Variants in APBB2 observed in about 807,000 individuals in gnomAD.
APBB2 encodes amyloid beta precursor protein binding family B member 2, also known as Fe65-like 1.
In APBB2, 38 loss-of-function variants were observed where a neutral mutation model predicts 82.5. The ratio of observed to expected loss-of-function variants is 0.46; its 90% confidence interval spans 0.36 to 0.60. The LOEUF (loss-of-function observed/expected upper bound fraction) is 0.60. Among genes scored for constraint, APBB2 ranks in the 20% least tolerant of loss-of-function variants. APBB2 has a pLI of 0.00. For missense variants in APBB2, 772 were observed against 972.3 expected (o/e 0.79, Z 2.74); for synonymous variants, 341 against 368.2 (o/e 0.93, Z 0.85).
chr4:41,158,653 G>C (rs1764073309), intron 1 of APBB2, among the ~76,000 whole-genome samples: 1 of 152,228 alleles, frequency 6.6e-6, no homozygotes, highest in Non-Finnish European at 1.5e-5. Flanking sequence ...AGGGTGTTGA[G>C]GGGTATCACT....
intron 6 of APBB2, among the ~76,000 whole-genome samples, chr4:40,995,802 T>TG (rs949063624): frequency 6.6e-6 from 1 of 151,982 alleles, no homozygotes; most frequent in Non-Finnish European, 1.5e-5. Flanking sequence ...CCCAAAGTAC[T>TG]GGGGATTACA....
At chr4:40,823,896 C>G in intron 15 of APBB2, 137 bp from the exon 16 acceptor site, 1 of 619,044 alleles carries the variant, frequency 1.6e-6, no homozygotes, top group South Asian at 1.8e-5. Context: ...CATGTTTGCT[C>G]AACAGGAATG....
At chr4:41,099,736 A>G (rs563542426) in intron 3 of APBB2, among the ~76,000 whole-genome samples, 20 of 152,324 alleles carry the variant, frequency 1.3e-4, no homozygotes, top group Middle Eastern at 3.4e-3. Context: ...TTATACTGCC[A>G]GAAATAGAGT....
chr4:40,992,699 G>C (rs1226950192), intron 6 of APBB2, among the ~76,000 whole-genome samples: 1 of 152,092 alleles, frequency 6.6e-6, no homozygotes, highest in Non-Finnish European at 1.5e-5. Flanking sequence ...TGAAGCCAGC[G>C]AGCAGGAGTA....
chr4:40,918,163 C>CT (rs1780303894), intron 10 of APBB2, among the ~76,000 whole-genome samples: 1 of 152,218 alleles, frequency 6.6e-6, no homozygotes, highest in South Asian at 2.1e-4. Flanking sequence ...CCAAACCACT[C>CT]TATCATAATT....
intron 2 of APBB2, among the ~76,000 whole-genome samples, chr4:41,121,919 A>G (rs1051879348): frequency 1.7e-4 from 26 of 150,830 alleles, no homozygotes; most frequent in Admixed American, 1.5e-3. Flanking sequence ...GTATGTGTGT[A>G]TGTGTGTGTG....
chr4:41,038,946 G>T (rs57898176), intron 4 of APBB2, among the ~76,000 whole-genome samples: 1 of 151,276 alleles, frequency 6.6e-6, no homozygotes, highest in African/African-American at 2.4e-5. Flanking sequence ...ACTGAAAGAG[G>T]TATGTGTTGT....
chr4:40,979,486 CA>C (rs1280679368), intron 6 of APBB2, among the ~76,000 whole-genome samples: 2 of 152,066 alleles, frequency 1.3e-5, no homozygotes, highest in Non-Finnish European at 2.9e-5. Context: ...AAGGATTTTA[CA>C]TATTTAATTA....
At position 41,087,584 on chromosome 4, in the gene APBB2, A is replaced by C. The variant is rs144656853; in HGVS notation, c.-149+13055T>G. On this transcript the variant is annotated intron_variant, in intron 3 of 17. Transcript: ENST00000508593. ...GCTGGGATTACAAGCATGCATCACC[A>C]TGACTGGCTAATTTTTTTTTTTTTT... 2.2e-4 allele frequency among the ~76,000 whole-genome samples: 33 copies of C among 151,364 alleles called. No homozygotes were observed. The East Asian group carries it at 6.4e-3, about 29-fold the overall frequency.
intron 2 of APBB2, among the ~76,000 whole-genome samples, chr4:41,117,225 C>A (rs546451580): frequency 6.6e-6 from 1 of 151,788 alleles, no homozygotes; most frequent in East Asian, 1.9e-4. Context: ...TGGAAACTCT[C>A]ATATGTGTTC....
chr4:41,016,615 C>T (rs1810025480), intron 5 of APBB2, among the ~76,000 whole-genome samples: 1 of 151,978 alleles, frequency 6.6e-6, no homozygotes, highest in Non-Finnish European at 1.5e-5. Context: ...CGCCCCATTG[C>T]ACTCCAGCCT....
intron 1 of APBB2, among the ~76,000 whole-genome samples, chr4:41,184,291 C>G (rs1351199271): frequency 6.6e-6 from 1 of 152,130 alleles, no homozygotes; most frequent in African/African-American, 2.4e-5. Flanking sequence ...GGTAGAAGAC[C>G]CCTGGGTTAA....
At chr4:40,866,002 T>C (rs1316264052) in intron 12 of APBB2, among the ~76,000 whole-genome samples, 1 of 152,238 alleles carries the variant, frequency 6.6e-6, no homozygotes, top group Non-Finnish European at 1.5e-5. Context: ...CTTACTTTGC[T>C]GTTGCGAATG....
intron 12 of APBB2, chr4:40,857,052 G>A: frequency 1.0e-6 from 1 of 985,554 alleles, no homozygotes; most frequent in Non-Finnish European, 1.2e-6. Context: ...TTCCGAAGTC[G>A]GGCGGGGATG....
chr4:40,907,345 TTACATATATATATATA>T (rs1336589143), intron 10 of APBB2, among the ~76,000 whole-genome samples: 3 of 104,978 alleles, frequency 2.9e-5, no homozygotes, highest in African/African-American at 1.2e-4. Flanking sequence ...ATTTAATATA[TTACATATATATATATA>T]TATATATATA....
intron 2 of APBB2, among the ~76,000 whole-genome samples, chr4:41,137,081 G>A (rs1339109832): frequency 1.3e-5 from 2 of 152,076 alleles, no homozygotes; most frequent in African/African-American, 2.4e-5. Flanking sequence ...AATACAGCTA[G>A]CATTTTATAC....
chr4:41,041,813 A>C (rs891060938), intron 4 of APBB2, among the ~76,000 whole-genome samples: 1 of 152,164 alleles, frequency 6.6e-6, no homozygotes. Context: ...AAAAAAGCCT[A>C]TTTTCTGAAA....
At chr4:41,018,350 G>A (rs747244796) in intron 5 of APBB2, among the ~76,000 whole-genome samples, 1 of 152,218 alleles carries the variant, frequency 6.6e-6, no homozygotes, top group South Asian at 2.1e-4. Flanking sequence ...ATCACAGAGG[G>A]TGACGGGTGG....
intron 2 of APBB2, among the ~76,000 whole-genome samples, chr4:41,112,943 C>A (rs1749724135): frequency 6.6e-6 from 1 of 151,738 alleles, no homozygotes; most frequent in South Asian, 2.1e-4. Flanking sequence ...GCCGAGATTG[C>A]ACAATGGCAC....
Sources: allele counts gnomAD v4.1 joint callset (sites outside exome capture counted in the v4.1 genomes callset), GRCh38; gene constraint gnomAD v4.1.1; transcripts MANE v1.5; gene names NCBI Gene and HGNC (gene_info 2026-07-23, HGNC 2026-07-21).